The following PPP4R3B variants were observed in gnomAD, a reference collection of about 807,000 sequenced individuals.
PPP4R3B encodes the protein serine/threonine-protein phosphatase 4 regulatory subunit 3B.
PPP4R3B carries 52 observed loss-of-function variants against 95.4 expected under a neutral mutation model. That is an observed-to-expected ratio of 0.54 (90% CI 0.44 to 0.69). The LOEUF (loss-of-function observed/expected upper bound fraction) is 0.69, where lower values mean the gene tolerates loss of function less well. Among genes scored for constraint, PPP4R3B ranks in the 30% least tolerant of loss-of-function variants. The pLI is 0.00. For missense variants in PPP4R3B, 1,003 were observed against 1,005.9 expected (o/e 1.00, Z 0.04); for synonymous variants, 407 against 343.9 (o/e 1.18, Z -2.03).
chr2:55,561,192 A>G (rs1686567675), intron 15 of PPP4R3B, among the ~76,000 whole-genome samples: 2 of 152,078 alleles, frequency 1.3e-5, no homozygotes, highest in African/African-American at 4.8e-5. Context: ...TGCAAGCCCC[A>G]ACTCTTGGTG....
At chr2:55,579,399 C>A (rs1689133003) in intron 9 of PPP4R3B, among the ~76,000 whole-genome samples, 1 of 27,810 alleles carries the variant, frequency 3.6e-5, no homozygotes, top group Admixed American at 6.3e-4. Context: ...TACTGTTTGC[C>A]ACATTTTCTT....
In PPP4R3B at chr2:55,617,376, G is replaced by A. The variant is rs1695115416; in HGVS notation, c.-91C>T. On this transcript the variant is annotated 5_prime_UTR_variant, in exon 1 of 17. Transcript: ENST00000616407. ...TTAGGAGACGGTAAAGGCAGTAGTG[G>A]CGGTGGCGGCGGCGGCGGCTTCGGA... 1 of 1,364,198 alleles carries A rather than the reference G, an allele frequency of 7.3e-7. No individual in the cohort carries two copies. Among genetic ancestry groups the A allele is most frequent in the Non-Finnish European group, 9.6e-7 (1 of 1,046,954 alleles). 84.5% of individuals were successfully genotyped at this position (1,364,198 alleles called of 1,614,324 possible).
chr2:55,586,222 G>C (rs1690123221), intron 6 of PPP4R3B, among the ~76,000 whole-genome samples: 1 of 151,992 alleles, frequency 6.6e-6, no homozygotes, highest in Non-Finnish European at 1.5e-5. Context: ...TTTCCATAAA[G>C]TAAATACCAA....
chr2:55,615,436 T>TA lies in PPP4R3B; in HGVS notation c.198+14dup. ...CAGATGAAGTCTTTCAAATTAAAGA[T>TA]AAACAACTACTTGCCTGTTGTTTCT... is the stretch of plus-strand genomic sequence containing the variant. On this transcript the variant is annotated intron_variant, in intron 2 of 16. Transcript: ENST00000616407. 6.4e-7 allele frequency: 1 copy of TA among 1,566,956 alleles called. No homozygotes were observed. Among genetic ancestry groups the TA allele is most frequent in the Non-Finnish European group, 8.7e-7 (1 of 1,146,046 alleles).
intron 12 of PPP4R3B, among the ~76,000 whole-genome samples, chr2:55,571,640 T>G (rs1441786775): frequency 6.6e-6 from 1 of 151,890 alleles, no homozygotes; most frequent in African/African-American, 2.4e-5. Context: ...TTTGTTTGTT[T>G]CTTGAGACAG....
At chr2:55,591,707 A>G in intron 4 of PPP4R3B, 7 of 959,208 alleles carry the variant, frequency 7.3e-6, no homozygotes, top group Non-Finnish European at 8.7e-6. Context: ...TGCATAAAAT[A>G]TTACAGATAG....
chr2:55,568,145 T>C (rs748119461), intron 13 of PPP4R3B, 49 bp downstream of exon 13: 26 of 1,241,104 alleles, frequency 2.1e-5, no homozygotes, highest in Non-Finnish European at 2.5e-5. Flanking sequence ...ACATAAAAAA[T>C]TATTTACATA....
intron 8 of PPP4R3B, among the ~76,000 whole-genome samples, chr2:55,580,071 A>C (rs1375335888): frequency 6.6e-6 from 1 of 152,188 alleles, no homozygotes; most frequent in Non-Finnish European, 1.5e-5. Context: ...GATAAAGATC[A>C]GAGAGCATCA....
chr2:55,607,040 G>A (rs1424519066), intron 2 of PPP4R3B, among the ~76,000 whole-genome samples: 1 of 152,070 alleles, frequency 6.6e-6, no homozygotes, highest in Non-Finnish European at 1.5e-5. Context: ...TTTTGTTTGA[G>A]TTAGGATAGT....
chr2:55,549,262 A>T lies in PPP4R3B; in HGVS notation c.*649T>A, dbSNP rs1251692737. ...TTTTAACATTATCTTAAAACTGTCC[A>T]GTTTGAATTGAGCTTGTTTTCATCA... is the stretch of plus-strand genomic sequence containing the variant. On this transcript the variant is annotated 3_prime_UTR_variant, in exon 17 of 17. Transcript: ENST00000616407. The T allele has an allele frequency of 2.0e-5, 3 of 152,694 alleles. No homozygotes were observed. Among genetic ancestry groups the T allele is most frequent in the African/African-American group, 7.2e-5 (3 of 41,444 alleles). The allele number at this position is 152,694 out of a possible 1,614,324, so 9.5% of individuals were successfully genotyped here.
At position 55,578,352 on chromosome 2, in the gene PPP4R3B, A is replaced by T; in HGVS notation, c.1469-10T>A. ...TGTTTTAAAAAAAAATCTGAAAAAA[A>T]ATATGGCAAGTTAGTTTTGATAAAG... On this transcript the variant is annotated splice_polypyrimidine_tract_variant and intron_variant, in intron 9 of 16. Transcript: ENST00000616407. 1 of 1,373,388 alleles carries T rather than the reference A, an allele frequency of 7.3e-7. No individual in the cohort carries two copies. 85.1% of individuals were successfully genotyped at this position (1,373,388 alleles called of 1,614,324 possible). A position where few individuals can be genotyped will look rare whatever the true frequency, so the allele number is the denominator to read the frequency against.
In PPP4R3B at chr2:55,617,563, G is replaced by A. The variant is rs1246711158; in HGVS notation, c.-278C>T. ...CCCAGGGCTCGCTTGCTCTCCCGCCGCCGCGGTAACTACTACAGATCCGCC... is the reference window on the plus strand; with the variant it reads ...CCCAGGGCTCGCTTGCTCTCCCGCCACCGCGGTAACTACTACAGATCCGCC... On this transcript the variant is annotated 5_prime_UTR_variant, in exon 1 of 17. Transcript: ENST00000616407. 1.9e-5 allele frequency: 7 copies of A among 359,790 alleles called. No individual in the cohort carries two copies. Among genetic ancestry groups the A allele is most frequent in the Non-Finnish European group, 3.6e-5 (7 of 196,976 alleles). 22.3% of individuals were successfully genotyped at this position (359,790 alleles called of 1,614,324 possible).
chr2:55,615,857 C>CAAAAAAAAAAAAAAAAAAAAAAAA (rs58981030), intron 1 of PPP4R3B, among the ~76,000 whole-genome samples: 7 of 39,064 alleles, frequency 1.8e-4, no homozygotes, highest in African/African-American at 1.1e-3. Context: ...ACTCTGTCTC[C>CAAAAAAAAAAAAAAAAAAAAAAAA]AAAAAAAAAA....
At chr2:55,600,508 T>C (rs1174811285) in intron 3 of PPP4R3B, among the ~76,000 whole-genome samples, 3 of 143,526 alleles carry the variant, frequency 2.1e-5, no homozygotes, top group African/African-American at 7.9e-5. Flanking sequence ...CTTACTGAAA[T>C]TGAAATTGTC....
chr2:55,564,848 A>C lies in PPP4R3B; in HGVS notation c.2075+54T>G, dbSNP rs941463474. 1.5e-5 allele frequency: 23 copies of C among 1,578,110 alleles called. No individual in the cohort carries two copies. The South Asian group carries it at 1.8e-4, about 12-fold the overall frequency. Reference sequence around the variant, plus strand: ...TTTCACATGGAAAATCTGAACTACAAACAATTTTGGACACAGTTTTGTAGG... The same window carrying C: ...TTTCACATGGAAAATCTGAACTACACACAATTTTGGACACAGTTTTGTAGG... On this transcript the variant is annotated intron_variant, in intron 14 of 16. Transcript: ENST00000616407.
At chr2:55,587,161 GCTTT>G (rs1427025541) in intron 5 of PPP4R3B, among the ~76,000 whole-genome samples, 2 of 152,212 alleles carry the variant, frequency 1.3e-5, no homozygotes, top group Non-Finnish European at 2.9e-5. Context: ...AAGCATGCAT[GCTTT>G]GTTTACAATG....
intron 4 of PPP4R3B, among the ~76,000 whole-genome samples, chr2:55,589,162 TTAAC>T (rs3068266): frequency 0.15 from 22,774 of 152,112 alleles, 1,865 homozygotes; most frequent in East Asian, 0.29. Context: ...AATATCTAGT[TTAAC>T]TAAAAACCTC....
intron 2 of PPP4R3B, among the ~76,000 whole-genome samples, chr2:55,612,716 G>T (rs192648634): frequency 2.0e-5 from 3 of 152,120 alleles, no homozygotes; most frequent in East Asian, 3.9e-4. Flanking sequence ...GGGCCGAGGC[G>T]GGCGGATCAC....
At chr2:55,574,940 T>C (rs1189384957) in intron 11 of PPP4R3B, among the ~76,000 whole-genome samples, 2 of 144,542 alleles carry the variant, frequency 1.4e-5, no homozygotes, top group East Asian at 4.1e-4. Flanking sequence ...AACTTCTTTT[T>C]TTTTTTTTTT....
Sources: allele counts gnomAD v4.1 joint callset (sites outside exome capture counted in the v4.1 genomes callset), GRCh38; gene constraint gnomAD v4.1.1; transcripts MANE v1.5; gene names NCBI Gene and HGNC (gene_info 2026-07-23, HGNC 2026-07-21).